VPS13B: variants seen among roughly 807,000 people sequenced by gnomAD.
VPS13B encodes vacuolar protein sorting 13 homolog B, also known as intermembrane lipid transfer protein VPS13B.
In VPS13B, 285 loss-of-function variants were observed where a neutral mutation model predicts 426.4. The observed-to-expected ratio is 0.67, with a 90% CI of 0.61 to 0.74. The LOEUF is 0.74. Ranked by LOEUF, VPS13B falls within the 30% of genes least tolerant of loss-of-function variation. The probability of loss-of-function intolerance (pLI) is 0.00; values close to 1 mark genes in which losing one functional copy is unlikely to be tolerated. For missense variants in VPS13B, 4,537 were observed against 4,782.6 expected (o/e 0.95, Z 1.51); for synonymous variants, 1,676 against 1,676.4 (o/e 1.00, Z 0.01).
intron 15 of VPS13B, among the ~76,000 whole-genome samples, chr8:99,162,709 G>GC (rs1811738523): frequency 1.3e-5 from 2 of 152,180 alleles, no homozygotes; most frequent in Admixed American, 1.3e-4. Flanking sequence ...GCAGATCTTC[G>GC]CGGTGAGTGT....
chr8:99,835,660 A>G lies in VPS13B; in HGVS notation c.9864A>G (p.Leu3288=). Residue 3288 remains leucine, a synonymous_variant, in exon 54 of 62, where the codon CTA becomes CTG. Coordinates refer to ENST00000357162, the MANE Select transcript of VPS13B (RefSeq NM_152564.5). Reference sequence around the variant, plus strand: ...AGACCAAAGACTTACTTCCAAGCCTACTTTTGAGAGTTGAACCTCTAGATG... The same window carrying G: ...AGACCAAAGACTTACTTCCAAGCCTGCTTTTGAGAGTTGAACCTCTAGATG... ...DCKTKDLLPS[L]LLRVEPLDEV... 6.2e-7 allele frequency: 1 copy of G among 1,614,156 alleles called. No homozygotes were observed. Among genetic ancestry groups the G allele is most frequent in the African/African-American group, 1.3e-5 (1 of 75,046 alleles).
At chr8:99,167,864 G>T (rs144853890) in intron 15 of VPS13B, among the ~76,000 whole-genome samples, 1 of 152,026 alleles carries the variant, frequency 6.6e-6, no homozygotes, top group East Asian at 1.9e-4. Context: ...TATTGCTCCA[G>T]ATTATTAGTT....
At chr8:99,485,709 A>G (rs1186620526) in intron 25 of VPS13B, among the ~76,000 whole-genome samples, 1 of 152,218 alleles carries the variant, frequency 6.6e-6, no homozygotes, top group Non-Finnish European at 1.5e-5. Flanking sequence ...ATATTCTTAT[A>G]ATCAACAGAT....
intron 44 of VPS13B, 114 bp from the exon 45 acceptor site, chr8:99,817,426 T>C: frequency 7.3e-7 from 1 of 1,378,288 alleles, no homozygotes; most frequent in Non-Finnish European, 1.0e-6. Context: ...TTAAGCTAAT[T>C]ACTTCATTTT....
At chr8:99,820,589 G>A (rs527667548) in intron 49 of VPS13B, among the ~76,000 whole-genome samples, 6 of 152,246 alleles carry the variant, frequency 3.9e-5, no homozygotes, top group Non-Finnish European at 5.9e-5. Context: ...AATTATGGAT[G>A]TCTACCCAGT....
intron 19 of VPS13B, among the ~76,000 whole-genome samples, chr8:99,312,393 G>C (rs766092398): frequency 3.9e-5 from 6 of 152,144 alleles, no homozygotes; most frequent in Non-Finnish European, 8.8e-5. Context: ...GCATTTGCTT[G>C]TCTGTAAAGT....
At chr8:99,811,635 T>C (rs1234539140) in intron 44 of VPS13B, among the ~76,000 whole-genome samples, 2 of 152,210 alleles carry the variant, frequency 1.3e-5, no homozygotes, top group Non-Finnish European at 2.9e-5. Context: ...CTAGAACATT[T>C]ATCAGTTACT....
chr8:99,181,471 A>G (rs894227278), intron 16 of VPS13B, among the ~76,000 whole-genome samples: 112 of 152,300 alleles, frequency 7.4e-4, no homozygotes, highest in African/African-American at 2.6e-3. Context: ...AGGCTCTGCC[A>G]CTTCCTAGCC....
At position 99,324,497 on chromosome 8, in the gene VPS13B, T is replaced by A. The variant is rs553881724; in HGVS notation, c.2824+49243T>A. 2.6e-4 allele frequency among the ~76,000 whole-genome samples: 40 copies of A among 152,280 alleles called. 1 individual carries two copies. The East Asian group carries it at 6.0e-3, about 23-fold the overall frequency. ...TGCAGAGCTGAAAGATTTCTTAGAG[T>A]TTTCATGGGGCTGGGGTTCTGGCTG... On this transcript the variant is annotated intron_variant, in intron 19 of 61. Coordinates refer to ENST00000357162, the MANE Select transcript of VPS13B (RefSeq NM_152564.5).
At chr8:99,453,868 T>TCACCCAA (rs1818323710) in intron 23 of VPS13B, among the ~76,000 whole-genome samples, 1 of 152,190 alleles carries the variant, frequency 6.6e-6, no homozygotes, top group Admixed American at 6.5e-5. Flanking sequence ...CAGGGATACG[T>TCACCCAA]AATTGTCACC....
intron 8 of VPS13B, among the ~76,000 whole-genome samples, chr8:99,131,613 G>A (rs878893756): frequency 2.0e-5 from 3 of 152,142 alleles, no homozygotes; most frequent in African/African-American, 2.4e-5. Context: ...GTGTCCAACA[G>A]TATGTCTAAA....
At chr8:99,825,794 C>T (rs899895804) in intron 51 of VPS13B, among the ~76,000 whole-genome samples, 9 of 152,146 alleles carry the variant, frequency 5.9e-5, no homozygotes, top group Admixed American at 1.3e-4. Context: ...ATATGGCTAG[C>T]GAGTTTTCCC....
At chr8:99,599,312 T>C (rs1012996372) in intron 33 of VPS13B, among the ~76,000 whole-genome samples, 1 of 152,002 alleles carries the variant, frequency 6.6e-6, no homozygotes, top group African/African-American at 2.4e-5. Flanking sequence ...CATGCTAAAT[T>C]ATGTCATCTC....
rs1267088320 is a variant in VPS13B at position 99,835,751 on chromosome 8, T to A, written c.9942+13T>A. ...TCAGGGAACACAGGTCAGTGAGCCA[T>A]GTGTTCCTGCCAAGACCCAAAGAAA... On this transcript the variant is annotated intron_variant, in intron 54 of 61. Coordinates refer to ENST00000357162, the MANE Select transcript of VPS13B (RefSeq NM_152564.5). 1 of 1,613,994 alleles carries A rather than the reference T, an allele frequency of 6.2e-7. No homozygotes were observed. The highest frequency in any genetic ancestry group is 1.1e-5 in the South Asian group (1 of 91,054).
At chr8:99,437,244 A>G (rs889722649) in intron 22 of VPS13B, among the ~76,000 whole-genome samples, 1 of 152,094 alleles carries the variant, frequency 6.6e-6, no homozygotes, top group Non-Finnish European at 1.5e-5. Context: ...CTAAACCCAT[A>G]TTATTTTTTA....
chr8:99,132,874 C>G (rs1442797001), intron 8 of VPS13B, among the ~76,000 whole-genome samples: 2 of 152,120 alleles, frequency 1.3e-5, no homozygotes, highest in African/African-American at 4.8e-5. Flanking sequence ...ATGCCATAAA[C>G]AGATGTACTG....
At chr8:99,504,623 A>G (rs1251942288) in intron 27 of VPS13B, among the ~76,000 whole-genome samples, 1 of 152,190 alleles carries the variant, frequency 6.6e-6, no homozygotes, top group Non-Finnish European at 1.5e-5. Context: ...AAAGAGCTTA[A>G]AATATTCAGG....
rs2132555225 is a variant in VPS13B, at chr8:99,135,077, GT to G, written c.1366del (p.Cys456AlafsTer15). On this transcript the variant is annotated frameshift_variant, in exon 10 of 62. Coordinates refer to ENST00000357162, the MANE Select transcript of VPS13B (RefSeq NM_152564.5). LOFTEE classifies it high-confidence loss of function. ...TTGGGTTTGTTGGTTGCAGAGCCATGTGCCTTAAAGGAATTATGGGTGTTAA... is the reference window on the plus strand; with the variant it reads ...TTGGGTTTGTTGGTTGCAGAGCCATGGCCTTAAAGGAATTATGGGTGTTAA... ...QIGFVGCRAM[C>X]LKGIMGVKDF... 6.2e-7 allele frequency: 1 copy of G among 1,613,594 alleles called. No individual in the cohort carries two copies. The highest frequency in any genetic ancestry group is 8.5e-7 in the Non-Finnish European group (1 of 1,179,634).
At chr8:99,343,816 G>A (rs910655091) in intron 19 of VPS13B, among the ~76,000 whole-genome samples, 1 of 152,076 alleles carries the variant, frequency 6.6e-6, no homozygotes, top group African/African-American at 2.4e-5. Context: ...TGAAAGAAAT[G>A]GAAGAAAACA....
Sources: allele counts gnomAD v4.1 joint callset (sites outside exome capture counted in the v4.1 genomes callset), GRCh38; gene constraint gnomAD v4.1.1; transcripts MANE v1.5; gene names NCBI Gene and HGNC (gene_info 2026-07-23, HGNC 2026-07-21).